CADPS2: variants seen among roughly 807,000 people sequenced by gnomAD.
CADPS2 encodes the protein calcium-dependent secretion activator 2.
In CADPS2, 93 loss-of-function variants were observed where a neutral mutation model predicts 172.5. The ratio of observed to expected loss-of-function variants is 0.54; its 90% confidence interval spans 0.46 to 0.64. The LOEUF (loss-of-function observed/expected upper bound fraction) is 0.64. CADPS2 is among the 30% of genes least tolerant of loss of function. The pLI is 0.00. For synonymous variants in CADPS2, 546 were observed against 555.2 expected (o/e 0.98, Z 0.23); for missense variants, 1,420 against 1,565.9 (o/e 0.91, Z 1.57).
At chr7:122,631,023 A>C (rs926040054) in intron 3 of CADPS2, among the ~76,000 whole-genome samples, 1 of 152,150 alleles carries the variant, frequency 6.6e-6, no homozygotes, top group African/African-American at 2.4e-5. Flanking sequence ...TAAAATTAAA[A>C]ACTAACGTAA....
At chr7:122,750,315 T>C (rs1176164450) in intron 1 of CADPS2, among the ~76,000 whole-genome samples, 2 of 152,136 alleles carry the variant, frequency 1.3e-5, no homozygotes, top group Admixed American at 6.6e-5. Flanking sequence ...AAATTTTTAG[T>C]ATAAATATGT....
At chr7:122,536,349 A>G (rs1454051425) in intron 8 of CADPS2, among the ~76,000 whole-genome samples, 1 of 152,098 alleles carries the variant, frequency 6.6e-6, no homozygotes, top group Non-Finnish European at 1.5e-5. Flanking sequence ...CTTAACGAGT[A>G]AGAGAGCTAA....
chr7:122,429,611 T>C (rs914528424), intron 17 of CADPS2, among the ~76,000 whole-genome samples: 3 of 152,110 alleles, frequency 2.0e-5, no homozygotes, highest in Non-Finnish European at 2.9e-5. Context: ...GGAAATTCTT[T>C]AATTACCTGT....
At position 122,516,990 on chromosome 7, in the gene CADPS2, C is replaced by T. The variant is rs73717666; in HGVS notation, c.1476-3675G>A. ...TGACACAGTCATGTAACCACCACCACAATCAACTTATAGAACATTTCCACC... is the reference window on the plus strand; with the variant it reads ...TGACACAGTCATGTAACCACCACCATAATCAACTTATAGAACATTTCCACC... On this transcript the variant is annotated intron_variant, in intron 8 of 29. Transcript: ENST00000449022. Among the ~76,000 whole-genome samples the T allele has an allele frequency of 7.8e-3, 1,188 of 152,216 alleles. 16 individuals are homozygous for T. The highest frequency in any genetic ancestry group is 0.028 in the African/African-American group (1,148 of 41,526).
chr7:122,799,747 A>T (rs1303624141), intron 1 of CADPS2, among the ~76,000 whole-genome samples: 1 of 152,276 alleles, frequency 6.6e-6, no homozygotes, highest in African/African-American at 2.4e-5. Flanking sequence ...ACTGGCACTC[A>T]TATTAGTCAA....
At position 122,360,910 on chromosome 7, in the gene CADPS2, G is replaced by T. The variant is rs748187611; in HGVS notation, c.3471+20C>A. ...ACAACAGTTAAAAGACCACAGAAGA[G>T]AACTCATTCAAATACTTACAGTGAA... On this transcript the variant is annotated intron_variant, in intron 26 of 29. Transcript: ENST00000449022. 2.0e-5 allele frequency: 33 copies of T among 1,609,846 alleles called. No homozygotes were observed. In the South Asian group the frequency reaches 3.4e-4, roughly 17 times the overall value.
At chr7:122,720,762 G>A (rs1176692769) in intron 2 of CADPS2, among the ~76,000 whole-genome samples, 1 of 151,852 alleles carries the variant, frequency 6.6e-6, no homozygotes, top group African/African-American at 2.4e-5. Flanking sequence ...AAAACTGAAT[G>A]TTCATAAGAT....
intron 1 of CADPS2, among the ~76,000 whole-genome samples, chr7:122,757,516 T>G (rs912006074): frequency 1.3e-4 from 20 of 152,094 alleles, no homozygotes; most frequent in Non-Finnish European, 2.4e-4. Context: ...TGTTTCTGGT[T>G]GAGATTCTGC....
intron 1 of CADPS2, among the ~76,000 whole-genome samples, chr7:122,783,006 A>T (rs576097951): frequency 2.0e-5 from 3 of 152,178 alleles, no homozygotes; most frequent in African/African-American, 7.2e-5. Context: ...AAAACAATAA[A>T]CAGCATATAT....
At chr7:122,656,411 C>G (rs910845745) in intron 3 of CADPS2, among the ~76,000 whole-genome samples, 1 of 152,052 alleles carries the variant, frequency 6.6e-6, no homozygotes, top group East Asian at 1.9e-4. Context: ...CCTCTTGACT[C>G]ACGTACTGAA....
chr7:122,321,123 TAATC>T, intron 29 of CADPS2, among the ~76,000 whole-genome samples: 1 of 152,268 alleles, frequency 6.6e-6, no homozygotes, highest in Non-Finnish European at 1.5e-5. Context: ...CTTAAAATAT[TAATC>T]TATAATGTTT....
intron 2 of CADPS2, among the ~76,000 whole-genome samples, chr7:122,704,271 A>G (rs553881116): frequency 6.6e-6 from 1 of 152,096 alleles, no homozygotes; most frequent in East Asian, 1.9e-4. Flanking sequence ...AAAAAACTCT[A>G]GGAAACAGTC....
chr7:122,445,878 G>A (rs539576650), intron 15 of CADPS2, among the ~76,000 whole-genome samples: 3 of 152,102 alleles, frequency 2.0e-5, no homozygotes, highest in East Asian at 1.9e-4. Flanking sequence ...TTTTAGATTC[G>A]GTAAGATTTT....
chr7:122,785,307 G>A (rs186778867), intron 1 of CADPS2, among the ~76,000 whole-genome samples: 1 of 152,278 alleles, frequency 6.6e-6, no homozygotes, highest in African/African-American at 2.4e-5. Context: ...GTATGATTTT[G>A]TATACTTATG....
Position 122,411,987 on chromosome 7 carries a change from T to C in CADPS2, c.2589+2081A>G, listed in dbSNP as rs529725775. Among the ~76,000 whole-genome samples the C allele has an allele frequency of 8.5e-5, 13 of 152,362 alleles. No homozygotes were observed. The East Asian group carries it at 2.5e-3, about 29-fold the overall frequency. Reference sequence around the variant, plus strand: ...GAATGTAAAGTATTATCCTCATTCATATATATTATAAATCAGTAAATAATG... The same window carrying C: ...GAATGTAAAGTATTATCCTCATTCACATATATTATAAATCAGTAAATAATG... On this transcript the variant is annotated intron_variant, in intron 19 of 29. Coordinates refer to ENST00000449022, the MANE Select transcript of CADPS2 (RefSeq NM_017954.11).
At chr7:122,711,485 T>C (rs931527881) in intron 2 of CADPS2, among the ~76,000 whole-genome samples, 1 of 151,978 alleles carries the variant, frequency 6.6e-6, no homozygotes. Flanking sequence ...TCAGGAGTAA[T>C]AGTTAAAAGA....
chr7:122,648,216 C>T (rs552715647), intron 3 of CADPS2, among the ~76,000 whole-genome samples: 2 of 152,160 alleles, frequency 1.3e-5, no homozygotes, highest in East Asian at 3.9e-4. Context: ...TTGGTACAAC[C>T]TCTAAATCCT....
intron 1 of CADPS2, among the ~76,000 whole-genome samples, chr7:122,771,660 A>G (rs2093706844): frequency 6.6e-6 from 1 of 152,254 alleles, no homozygotes; most frequent in Non-Finnish European, 1.5e-5. Context: ...ACAGTGTTGT[A>G]AAACACTCCC....
intron 1 of CADPS2, among the ~76,000 whole-genome samples, chr7:122,857,774 T>TCGCTGACTTCAAGAATGAAGC (rs1815722890): frequency 6.6e-6 from 1 of 152,210 alleles, no homozygotes; most frequent in African/African-American, 2.4e-5. Context: ...GTTCGTGGTC[T>TCGCTGACTTCAAGAATGAAGC]CGCTGACTTC....
Sources: allele counts gnomAD v4.1 joint callset (sites outside exome capture counted in the v4.1 genomes callset), GRCh38; gene constraint gnomAD v4.1.1; transcripts MANE v1.5; gene names NCBI Gene and HGNC (gene_info 2026-07-23, HGNC 2026-07-21).